NCOA1: variants seen among roughly 807,000 people sequenced by gnomAD.
NCOA1 encodes Hin-2 protein.
Under a neutral mutation model 150.9 loss-of-function variants are expected in NCOA1, and 35 were observed. That is an observed-to-expected ratio of 0.23 (90% CI 0.18 to 0.31). The LOEUF (loss-of-function observed/expected upper bound fraction) is 0.31. NCOA1 is among the 10% of genes least tolerant of loss of function. The pLI is 1.00. For missense variants in NCOA1, 1,491 were observed against 1,749.3 expected, an observed-to-expected ratio of 0.85 and a Z score of 2.63; for synonymous variants, 590 against 630.0, an observed-to-expected ratio of 0.94 and a Z score of 0.95.
At chr2:24,701,635 G>T (rs2148582904) in intron 11 of NCOA1, among the ~76,000 whole-genome samples, 1 of 152,180 alleles carries the variant, frequency 6.6e-6, no homozygotes, top group East Asian at 1.9e-4. Context: ...TCTGCATGAT[G>T]GAATTACAAA....
intron 1 of NCOA1, among the ~76,000 whole-genome samples, chr2:24,562,378 C>T (rs1409227409): frequency 1.3e-5 from 2 of 152,140 alleles, no homozygotes; most frequent in Non-Finnish European, 2.9e-5. Context: ...ATGCAAATAT[C>T]CCCAAATCCA....
intron 1 of NCOA1, among the ~76,000 whole-genome samples, chr2:24,538,956 A>G (rs1245981113): frequency 6.6e-6 from 1 of 152,244 alleles, no homozygotes; most frequent in Non-Finnish European, 1.5e-5. Flanking sequence ...GTAAGAGTTT[A>G]CAGAGGACAG....
At chr2:24,765,896 CTTT>C (rs773857143) in intron 22 of NCOA1, among the ~76,000 whole-genome samples, 11 of 128,038 alleles carry the variant, frequency 8.6e-5, no homozygotes, top group Non-Finnish European at 8.3e-5. Flanking sequence ...CAATAATACA[CTTT>C]TTTTTTTTTT....
intron 1 of NCOA1, among the ~76,000 whole-genome samples, chr2:24,523,176 GTCTT>G (rs1463290056): frequency 3.3e-5 from 5 of 152,150 alleles, no homozygotes; most frequent in African/African-American, 1.2e-4. Context: ...CTCCCTTGAT[GTCTT>G]TCTCTCAGTT....
At chr2:24,602,217 T>A (rs1572475092) in intron 3 of NCOA1, among the ~76,000 whole-genome samples, 1 of 152,060 alleles carries the variant, frequency 6.6e-6, no homozygotes, top group African/African-American at 2.4e-5. Flanking sequence ...AAGTTTAAAG[T>A]AAAGGCAGGG....
intron 3 of NCOA1, among the ~76,000 whole-genome samples, chr2:24,588,506 C>A (rs56293719): frequency 0.035 from 5,303 of 152,256 alleles, 119 homozygotes; most frequent in East Asian, 0.11. Flanking sequence ...CCTTTTTCCC[C>A]CCTCTCCGTT....
chr2:24,660,296 G>A (rs1671123018), intron 5 of NCOA1, among the ~76,000 whole-genome samples: 1 of 151,840 alleles, frequency 6.6e-6, no homozygotes, highest in East Asian at 1.9e-4. Context: ...AAAGAATATA[G>A]GCGAAGACAC....
At chr2:24,718,873 A>G (rs993387283) in intron 14 of NCOA1, among the ~76,000 whole-genome samples, 1 of 151,106 alleles carries the variant, frequency 6.6e-6, no homozygotes, top group African/African-American at 2.4e-5. Context: ...TGTCTCAAAA[A>G]AAAAAAAAAG....
At chr2:24,590,715 A>G (rs1427898321) in intron 3 of NCOA1, among the ~76,000 whole-genome samples, 3 of 152,128 alleles carry the variant, frequency 2.0e-5, no homozygotes. Flanking sequence ...GTGTTTACCA[A>G]ACTGTAGTCA....
At chr2:24,579,277 T>A (rs990463937) in intron 2 of NCOA1, among the ~76,000 whole-genome samples, 1 of 152,140 alleles carries the variant, frequency 6.6e-6, no homozygotes, top group African/African-American at 2.4e-5. Context: ...GGGATTTATC[T>A]GAGGAAAGAC....
chr2:24,502,377 CTTT>C (rs916599689), intron 1 of NCOA1, among the ~76,000 whole-genome samples: 2 of 151,976 alleles, frequency 1.3e-5, no homozygotes. Flanking sequence ...CTTAATTATT[CTTT>C]TTTTTCTTTT....
chr2:24,584,073 AT>A (rs1667303106), intron 2 of NCOA1, among the ~76,000 whole-genome samples: 1 of 152,126 alleles, frequency 6.6e-6, no homozygotes, highest in South Asian at 2.1e-4. Context: ...AAGATGATGA[AT>A]GTTTAAGGTG....
Position 24,757,991 on chromosome 2 carries a change from C to G in NCOA1, c.3900C>G (p.Val1300=). The change falls in exon 21 of 23, where the codon GTC becomes GTG. Residue 1300 remains valine, a synonymous_variant. Transcript: ENST00000348332. ...TTTACAGTGTGTTCAGTCAAGCTGTCCAGAACCAGCCCACGCCTGCACAGC... is the reference window on the plus strand; with the variant it reads ...TTTACAGTGTGTTCAGTCAAGCTGTGCAGAACCAGCCCACGCCTGCACAGC... ...IGNNNVFSQA[V]QNQPTPAQPG... The G allele has an allele frequency of 1.2e-6, 2 of 1,613,876 alleles. No individual in the cohort carries two copies. The highest frequency in any genetic ancestry group is 1.7e-6 in the Non-Finnish European group (2 of 1,179,920).
intron 1 of NCOA1, among the ~76,000 whole-genome samples, chr2:24,510,305 C>T (rs1008261783): frequency 6.6e-6 from 1 of 152,206 alleles, no homozygotes; most frequent in African/African-American, 2.4e-5. Flanking sequence ...CCTTGGCCTC[C>T]CAAAGTGCTG....
In NCOA1 at chr2:24,537,765, A is replaced by C. The variant is rs190350961; in HGVS notation, c.-395-26530A>C. Among the ~76,000 whole-genome samples the C allele has an allele frequency of 3.7e-3, 556 of 152,278 alleles. 8 individuals are homozygous for C. Among genetic ancestry groups the C allele is most frequent in the South Asian group, 0.026 (125 of 4,832 alleles). On this transcript the variant is annotated intron_variant, in intron 1 of 22. Transcript: ENST00000348332. ...GTCACAAAAAGTATGTGAGGTAATA[A>C]GTTATTATCTGCTTCACTGTAGCAA...
At position 24,742,011 on chromosome 2, in the gene NCOA1, A is replaced by G. The variant is rs1663628381; in HGVS notation, c.3531A>G (p.Pro1177=). The stretch of plus-strand genomic sequence containing the variant: ...ATCCACCAAACTATGGTACAAATCC[A>G]GGAACCCCACCTGCTTCTACCAGCC... The part of the protein sequence containing the change: ...FPYPPNYGTN[P]GTPPASTSPF... The change falls in exon 19 of 23, where the codon CCA becomes CCG. Residue 1177 remains proline (P), a synonymous_variant. Coordinates refer to ENST00000348332, the MANE Select transcript of NCOA1 (RefSeq NM_003743.5). 1 of 1,614,254 alleles carries G rather than the reference A, an allele frequency of 6.2e-7. No homozygotes were observed. The highest frequency in any genetic ancestry group is 8.5e-7 in the Non-Finnish European group (1 of 1,180,046).
chr2:24,543,794 C>T (rs1665495631), intron 1 of NCOA1, among the ~76,000 whole-genome samples: 1 of 152,174 alleles, frequency 6.6e-6, no homozygotes, highest in South Asian at 2.1e-4. Flanking sequence ...TATCACACAG[C>T]CCTGAAAGCA....
chr2:24,762,652 A>C, intron 21 of NCOA1, 35 bp from the exon 22 acceptor site: 1 of 1,581,848 alleles, frequency 6.3e-7, no homozygotes, highest in Non-Finnish European at 8.7e-7. Flanking sequence ...TTAAACAACT[A>C]GCTTGTAATT....
At chr2:24,630,055 C>T (rs1239333602) in intron 3 of NCOA1, among the ~76,000 whole-genome samples, 1 of 151,794 alleles carries the variant, frequency 6.6e-6, no homozygotes, top group Non-Finnish European at 1.5e-5. Context: ...CTGTGTTAGC[C>T]AGGATGGTCT....
Sources: allele counts gnomAD v4.1 joint callset (sites outside exome capture counted in the v4.1 genomes callset), GRCh38; gene constraint gnomAD v4.1.1; transcripts MANE v1.5; gene names NCBI Gene and HGNC (gene_info 2026-07-23, HGNC 2026-07-21).